METTL25: variants seen among roughly 807,000 people sequenced by gnomAD.
The protein encoded by METTL25 is methyltransferase like 25.
METTL25 carries 64 observed loss-of-function variants against 71.6 expected under a neutral mutation model. That is an observed-to-expected ratio of 0.89 (90% CI 0.73 to 1.10). The LOEUF (loss-of-function observed/expected upper bound fraction) is 1.10. METTL25 is among the 50% of genes least tolerant of loss of function. METTL25 has a pLI of 0.00. For missense variants in METTL25, 807 were observed against 707.0 expected, an observed-to-expected ratio of 1.14 and a Z score of -1.60; for synonymous variants, 287 against 250.3, an observed-to-expected ratio of 1.15 and a Z score of -1.38.
chr12:82,386,691 T>C (rs1885055588), intron 1 of METTL25, 112 bp from the exon 2 acceptor site: 11 of 861,798 alleles, frequency 1.3e-5, no homozygotes, highest in Non-Finnish European at 1.8e-5. Flanking sequence ...CACAACAAAA[T>C]GAAAATATTG....
intron 10 of METTL25, 121 bp from the exon 11 acceptor site, chr12:82,477,160 T>A (rs906013865): frequency 4.0e-6 from 2 of 499,536 alleles, no homozygotes; most frequent in African/African-American, 4.0e-5. Context: ...TACCTGGATT[T>A]TGGAGATTCA....
chr12:82,451,583 G>A (rs568262134), intron 8 of METTL25, among the ~76,000 whole-genome samples: 6 of 152,174 alleles, frequency 3.9e-5, no homozygotes, highest in African/African-American at 1.4e-4. Context: ...TTGAAACCAT[G>A]CTTACTTGTT....
intron 10 of METTL25, 54 bp downstream of exon 10, chr12:82,476,772 G>T: frequency 2.6e-6 from 3 of 1,161,496 alleles, no homozygotes; most frequent in South Asian, 1.5e-5. Flanking sequence ...ACTTGAATAG[G>T]GTCCTATTAA....
At chr12:82,417,930 C>T (rs540205716) in intron 5 of METTL25, among the ~76,000 whole-genome samples, 2 of 152,148 alleles carry the variant, frequency 1.3e-5, no homozygotes, top group South Asian at 2.1e-4. Flanking sequence ...ACAGAGGGAA[C>T]AGCAAGTAAA....
At chr12:82,402,872 C>G in intron 4 of METTL25, 111 bp from the exon 5 acceptor site, 1 of 730,668 alleles carries the variant, frequency 1.4e-6, no homozygotes, top group Non-Finnish European at 2.2e-6. Flanking sequence ...GAATAGCCAC[C>G]ACAGTGCAGC....
intron 6 of METTL25, among the ~76,000 whole-genome samples, chr12:82,433,038 T>C (rs1399087662): frequency 6.6e-6 from 1 of 151,686 alleles, no homozygotes; most frequent in Non-Finnish European, 1.5e-5. Flanking sequence ...AAATGAATGC[T>C]TGGTATGTTT....
At position 82,477,293 on chromosome 12, in the gene METTL25, C is replaced by T; in HGVS notation, c.1660C>T (p.Leu554=). ...LEAFNMLKVV[L]APCIETLILL... Reference sequence around the variant, plus strand: ...TTTTTTATTTTAGTTGAAAGTTGTACTGGCTCCCTGTATAGAGACTTTGAT... The same window carrying T: ...TTTTTTATTTTAGTTGAAAGTTGTATTGGCTCCCTGTATAGAGACTTTGAT... The change falls in exon 11 of 12, where the codon CTG becomes TTG. Residue 554 remains leucine, a synonymous_variant. Transcript: ENST00000248306. 6.5e-7 allele frequency: 1 copy of T among 1,550,078 alleles called. No homozygotes were observed. The highest frequency in any genetic ancestry group is 8.7e-7 in the Non-Finnish European group (1 of 1,146,712).
rs75586919 is a variant in METTL25, at chr12:82,428,995, G to A, written c.1280-1898G>A. Among the ~76,000 whole-genome samples the A allele has an allele frequency of 2.3e-3, 354 of 151,868 alleles. 2 individuals are homozygous for A. Among genetic ancestry groups the A allele is most frequent in the South Asian group, 8.5e-3 (41 of 4,810 alleles). ...CAGAATGTGTAATGATCAAGCCAGG[G>A]TATTCAGGATATCCATCACTTCAAG... On this transcript the variant is annotated intron_variant, in intron 5 of 11. Transcript: ENST00000248306.
chr12:82,393,336 T>C (rs1885771871), intron 3 of METTL25, among the ~76,000 whole-genome samples: 2 of 152,078 alleles, frequency 1.3e-5, no homozygotes, highest in Admixed American at 1.3e-4. Flanking sequence ...ACTGTTGAGA[T>C]CTTTAACTTC....
chr12:82,425,387 A>T (rs967226617), intron 5 of METTL25, among the ~76,000 whole-genome samples: 14 of 152,206 alleles, frequency 9.2e-5, no homozygotes, highest in African/African-American at 3.4e-4. Flanking sequence ...ATGGCAAGAG[A>T]AAACCACAGG....
intron 3 of METTL25, among the ~76,000 whole-genome samples, chr12:82,396,134 AG>A (rs1203446433): frequency 1.3e-5 from 2 of 152,090 alleles, no homozygotes; most frequent in Admixed American, 6.6e-5. Flanking sequence ...TTTTTAGCAT[AG>A]TTGTCTAGTA....
At chr12:82,429,656 A>G (rs1048103426) in intron 5 of METTL25, among the ~76,000 whole-genome samples, 1 of 151,544 alleles carries the variant, frequency 6.6e-6, no homozygotes, top group Non-Finnish European at 1.5e-5. Flanking sequence ...GGCTAGCTAC[A>G]TGATTTGCAT....
At position 82,389,867 on chromosome 12, in the gene METTL25, T is replaced by C. The variant is rs1163926635; in HGVS notation, c.476T>C (p.Val159Ala). 2 of 1,605,482 alleles carry C rather than the reference T, an allele frequency of 1.2e-6. No individual in the cohort carries two copies. Among genetic ancestry groups the C allele is most frequent in the Non-Finnish European group, 1.7e-6 (2 of 1,174,434 alleles). The change falls in exon 3 of 12, where the codon GTT becomes GCT. Residue 159 changes from valine (V) to alanine (A), a missense_variant. Val to Ala is a moderately conservative substitution (Grantham distance 64). Transcript: ENST00000248306. ...EFMNMKKSHE[V>A]QAMSELISSI... The stretch of plus-strand genomic sequence containing the variant: ...ATGAATATGAAGAAATCTCATGAAG[T>C]TCAGGCAATGTCAGAGCTGATCAGC...
intron 5 of METTL25, among the ~76,000 whole-genome samples, chr12:82,403,335 TG>T (rs375650192): frequency 1.2e-3 from 184 of 152,338 alleles, no homozygotes; most frequent in African/African-American, 4.4e-3. Flanking sequence ...ATAGTTTCTT[TG>T]GTCATAAAAT....
rs185013398 is a variant in METTL25, at chr12:82,465,530, T to A, written c.1572+8710T>A. On this transcript the variant is annotated intron_variant, in intron 9 of 11. Coordinates refer to ENST00000248306, the MANE Select transcript of METTL25 (RefSeq NM_032230.3). Reference sequence around the variant, plus strand: ...TTTTGTTGATAATTTTTGTGTGTAATGTTTGTCAGAAGTATTGGCCTGTAG... The same window carrying A: ...TTTTGTTGATAATTTTTGTGTGTAAAGTTTGTCAGAAGTATTGGCCTGTAG... 8.5e-4 allele frequency among the ~76,000 whole-genome samples: 129 copies of A among 152,054 alleles called. 2 individuals carry two copies. The East Asian group carries it at 0.021, about 25-fold the overall frequency.
chr12:82,476,039 A>C (rs542352813), intron 9 of METTL25, among the ~76,000 whole-genome samples: 3 of 152,122 alleles, frequency 2.0e-5, no homozygotes, highest in Non-Finnish European at 4.4e-5. Flanking sequence ...TTTAGAAATA[A>C]ATACAATTGA....
intron 3 of METTL25, among the ~76,000 whole-genome samples, chr12:82,393,111 C>T (rs1017104978): frequency 2.0e-5 from 3 of 151,868 alleles, no homozygotes; most frequent in Admixed American, 6.6e-5. Context: ...TGGCTGTTCT[C>T]TGTCTTTTGT....
intron 1 of METTL25, among the ~76,000 whole-genome samples, chr12:82,385,614 T>G (rs543739351): frequency 6.6e-6 from 1 of 152,278 alleles, no homozygotes; most frequent in South Asian, 2.1e-4. Flanking sequence ...TTAAATAAAT[T>G]AACTTGCCTT....
chr12:82,371,732 C>G (rs1382543460), intron 1 of METTL25, among the ~76,000 whole-genome samples: 1 of 152,098 alleles, frequency 6.6e-6, no homozygotes, highest in Non-Finnish European at 1.5e-5. Flanking sequence ...CTTTTAAGAT[C>G]AATTGACCCT....
Sources: allele counts gnomAD v4.1 joint callset (sites outside exome capture counted in the v4.1 genomes callset), GRCh38; gene constraint gnomAD v4.1.1; transcripts MANE v1.5; gene names NCBI Gene and HGNC (gene_info 2026-07-23, HGNC 2026-07-21).